The following PDZD2 variants were observed in gnomAD, a reference collection of about 807,000 sequenced individuals.
PDZD2 encodes PDZ domain containing 2.
In PDZD2, 90 loss-of-function variants were observed where a neutral mutation model predicts 220.7. The ratio of observed to expected loss-of-function variants is 0.41; its 90% CI spans 0.34 to 0.49. The LOEUF is 0.49. Among genes scored for constraint, PDZD2 ranks in the 20% least tolerant of loss-of-function variants. The probability of loss-of-function intolerance (pLI) is 0.28; values close to 1 mark genes in which losing one functional copy is unlikely to be tolerated. For synonymous variants in PDZD2, 1,375 were observed against 1,450.5 expected (o/e 0.95, Z 1.18); for missense variants, 3,174 against 3,608.5 (o/e 0.88, Z 3.08).
At chr5:31,756,040 G>A (rs1445465570) in intron 1 of PDZD2, among the ~76,000 whole-genome samples, 2 of 152,122 alleles carry the variant, frequency 1.3e-5, no homozygotes, top group African/African-American at 2.4e-5. Context: ...TGTGTGAAGG[G>A]CTGCAATTTA....
chr5:31,896,652 G>A (rs564606532), intron 2 of PDZD2, among the ~76,000 whole-genome samples: 30 of 152,310 alleles, frequency 2.0e-4, no homozygotes, highest in Admixed American at 1.3e-4. Flanking sequence ...AAAATTGTGT[G>A]TGTTACAATA....
chr5:31,701,961 CA>C (rs1407539183), intron 1 of PDZD2, among the ~76,000 whole-genome samples: 2 of 152,226 alleles, frequency 1.3e-5, no homozygotes, highest in African/African-American at 4.8e-5. Flanking sequence ...TGAGGGGAAA[CA>C]ATTAAATGCC....
At chr5:31,852,924 G>A (rs1400606887) in intron 2 of PDZD2, among the ~76,000 whole-genome samples, 2 of 152,148 alleles carry the variant, frequency 1.3e-5, no homozygotes, top group Admixed American at 6.5e-5. Context: ...CAGCATTGAT[G>A]TACACATCAT....
intron 1 of PDZD2, among the ~76,000 whole-genome samples, chr5:31,778,345 C>G (rs532940121): frequency 1.3e-5 from 2 of 152,254 alleles, no homozygotes; most frequent in African/African-American, 4.8e-5. Flanking sequence ...ACTGTGGAAG[C>G]TTTGTTCTTT....
At chr5:31,665,650 C>CCCT (rs1554060805) in intron 1 of PDZD2, among the ~76,000 whole-genome samples, 1 of 117,366 alleles carries the variant, frequency 8.5e-6, no homozygotes, top group East Asian at 2.7e-4. Flanking sequence ...CCCCTCCCCC[C>CCCT]CCTCCCTTTC....
chr5:32,078,224 A>G (rs1005450439), intron 19 of PDZD2, among the ~76,000 whole-genome samples: 1 of 152,204 alleles, frequency 6.6e-6, no homozygotes, highest in Non-Finnish European at 1.5e-5. Context: ...AATCAAATGC[A>G]CTGAGAAATG....
chr5:32,077,430 T>G (rs780188403), intron 18 of PDZD2, 32 bp from the exon 19 acceptor site: 2 of 1,611,600 alleles, frequency 1.2e-6, no homozygotes, highest in South Asian at 2.2e-5. Context: ...CTGAAAGTTA[T>G]TTCAAGTGGC....
intron 2 of PDZD2, among the ~76,000 whole-genome samples, chr5:31,942,681 C>T (rs116649722): frequency 3.3e-5 from 5 of 152,190 alleles, no homozygotes; most frequent in Non-Finnish European, 7.4e-5. Flanking sequence ...GTAGATCTGC[C>T]TTCTCTTTTG....
chr5:32,054,312 C>CTTTTTTTTTTTTTTTTTTTTTTT lies in PDZD2; in HGVS notation c.1900+433_1900+455dup, dbSNP rs57135705. Among the ~76,000 whole-genome samples, 4 of 69,352 alleles carry CTTTTTTTTTTTTTTTTTTTTTTT rather than the reference C, an allele frequency of 5.8e-5. 1 individual carries two copies. Among genetic ancestry groups the CTTTTTTTTTTTTTTTTTTTTTTT allele is most frequent in the African/African-American group, 1.6e-4 (3 of 18,492 alleles). The allele number at this position is 69,352 out of a possible 152,430, so 45.5% of individuals were successfully genotyped here. On this transcript the variant is annotated intron_variant, in intron 10 of 24. Transcript: ENST00000438447. Reference sequence around the variant, plus strand: ...CATAGTCTGGTTCCTAAATGAACATCTTTTTTTTTTTTTTTTTTTTTTTTT... The same window carrying CTTTTTTTTTTTTTTTTTTTTTTT: ...CATAGTCTGGTTCCTAAATGAACATCTTTTTTTTTTTTTTTTTTTTTTTTTTTTTTTTTTTTTTTTTTTTTTTT...
intron 1 of PDZD2, among the ~76,000 whole-genome samples, chr5:31,782,783 G>A (rs756718960): frequency 3.1e-4 from 44 of 143,000 alleles, no homozygotes; most frequent in Non-Finnish European, 5.2e-4. Context: ...GCACGATCTC[G>A]GCTTACCACA....
intron 21 of PDZD2, among the ~76,000 whole-genome samples, chr5:32,095,337 G>T (rs1743565096): frequency 6.6e-6 from 1 of 152,200 alleles, no homozygotes; most frequent in African/African-American, 2.4e-5. Flanking sequence ...TCAGAGAGGA[G>T]CGTTGAGCAG....
chr5:31,947,199 A>G (rs1183628730), intron 2 of PDZD2, among the ~76,000 whole-genome samples: 2 of 152,240 alleles, frequency 1.3e-5, no homozygotes, highest in Non-Finnish European at 2.9e-5. Context: ...GAGTCTACAA[A>G]GACCAGGTTC....
chr5:32,076,291 A>G (rs1741283101), intron 18 of PDZD2, among the ~76,000 whole-genome samples: 1 of 115,696 alleles, frequency 8.6e-6, no homozygotes, highest in Non-Finnish European at 1.9e-5. Context: ...GTCTCAAGAA[A>G]AAAAAAAAAA....
At chr5:31,879,473 T>C (rs1179061570) in intron 2 of PDZD2, among the ~76,000 whole-genome samples, 2 of 151,876 alleles carry the variant, frequency 1.3e-5, no homozygotes, top group Admixed American at 1.3e-4. Flanking sequence ...TTTTAGAGAA[T>C]AAAGGCTAAG....
intron 2 of PDZD2, among the ~76,000 whole-genome samples, chr5:31,810,388 G>A (rs575596947): frequency 0.013 from 1,062 of 83,096 alleles, 8 homozygotes; most frequent in African/African-American, 0.041. Flanking sequence ...TCAGCCTCCC[G>A]AGTAGCTGGG....
chr5:31,951,911 A>G (rs1747216318), intron 2 of PDZD2, among the ~76,000 whole-genome samples: 1 of 152,244 alleles, frequency 6.6e-6, no homozygotes, highest in Non-Finnish European at 1.5e-5. Context: ...CTTTGCCCGC[A>G]AGCGTCAGCA....
intron 5 of PDZD2, among the ~76,000 whole-genome samples, chr5:32,005,236 A>G (rs1375899009): frequency 6.6e-6 from 1 of 152,198 alleles, no homozygotes; most frequent in Non-Finnish European, 1.5e-5. Context: ...TATTCTTATT[A>G]TGGATAATAG....
chr5:32,050,773 A>G (rs954971243), intron 8 of PDZD2, among the ~76,000 whole-genome samples: 1 of 152,296 alleles, frequency 6.6e-6, no homozygotes, highest in Admixed American at 6.5e-5. Flanking sequence ...GTGAGCTGTG[A>G]TCACGCCACT....
intron 2 of PDZD2, among the ~76,000 whole-genome samples, chr5:31,857,654 C>T (rs1028254944): frequency 3.3e-5 from 5 of 152,088 alleles, no homozygotes; most frequent in Admixed American, 2.0e-4. Context: ...AGGATTTCCT[C>T]GTCATCCTCT....
Sources: gnomAD v4.1 joint callset for allele counts (sites outside exome capture counted in the v4.1 genomes callset) on GRCh38, gnomAD v4.1.1 for gene constraint, MANE v1.5 for transcripts, NCBI Gene and HGNC (gene_info 2026-07-23, HGNC 2026-07-21) for gene names.